Variants in SMC2 observed in about 807,000 individuals in gnomAD.
SMC2 encodes the protein structural maintenance of chromosomes protein 2.
Under a neutral mutation model 142.6 loss-of-function variants are expected in SMC2, and 41 were observed. The observed-to-expected ratio is 0.29, with a 90% CI of 0.22 to 0.37. The LOEUF (loss-of-function observed/expected upper bound fraction) is 0.37. Among genes scored for constraint, SMC2 ranks in the 10% least tolerant of loss-of-function variants. The pLI, the probability that SMC2 is intolerant of heterozygous loss-of-function variation, is 1.00. For synonymous variants in SMC2, 463 were observed against 457.5 expected, an observed-to-expected ratio of 1.01 and a Z score of -0.15; for missense variants, 1,265 against 1,373.7, an observed-to-expected ratio of 0.92 and a Z score of 1.25.
At chr9:104,094,503 G>T (rs571465245) in intron 1 of SMC2, 26 bp downstream of exon 1, 94 of 373,210 alleles carry the variant, frequency 2.5e-4, no homozygotes, top group African/African-American at 1.9e-3. Context: ...GAGCACGGCC[G>T]GTTGGGCCGG....
intron 16 of SMC2, 141 bp from the exon 17 acceptor site, chr9:104,122,967 A>T (rs374008654): frequency 7.2e-5 from 58 of 806,854 alleles, no homozygotes; most frequent in Non-Finnish European, 1.6e-5. Flanking sequence ...AAAGCCGTCA[A>T]AATTATTCCT....
rs1184734275 is a variant in SMC2, at chr9:104,098,361, A to G, written c.319-85A>G. The G allele has an allele frequency of 6.0e-6, 7 of 1,160,280 alleles. No individual in the cohort carries two copies. In the Admixed American group the frequency reaches 1.8e-4, roughly 30 times the overall value. The allele number at this position is 1,160,280 out of a possible 1,614,324, so 71.9% of individuals were successfully genotyped here. A position where few individuals can be genotyped will look rare whatever the true frequency, so the allele number is the denominator to read the frequency against. ...TGTTTACTGCTAGTCAGACAGAACA[A>G]ATAAACGTAAGCTAATATACTTAGT... On this transcript the variant is annotated intron_variant, in intron 3 of 24. Coordinates refer to ENST00000374793, the MANE Select transcript of SMC2 (RefSeq NM_006444.3).
chr9:104,119,041 T>G (rs938630408), intron 15 of SMC2, among the ~76,000 whole-genome samples: 2 of 152,114 alleles, frequency 1.3e-5, no homozygotes, highest in African/African-American at 4.8e-5. Context: ...AGCAGTCTGA[T>G]TTCATAGTTT....
chr9:104,095,809 C>T (rs1412430180), intron 2 of SMC2, among the ~76,000 whole-genome samples: 1 of 152,182 alleles, frequency 6.6e-6, no homozygotes, highest in Admixed American at 6.5e-5. Flanking sequence ...TATTTTCAAC[C>T]CTGTGTAATG....
In SMC2 at chr9:104,129,665, T is replaced by C; in HGVS notation, c.2811T>C (p.Asp937=). The change falls in exon 21 of 25, where the codon GAT becomes GAC. Residue 937 remains aspartate, a synonymous_variant. Coordinates refer to ENST00000374793, the MANE Select transcript of SMC2 (RefSeq NM_006444.3). ...GAAKVSKMLK[D]YDWINAERHL... ...GCTAGGTATCCAAAATGTTGAAAGA[T>C]TATGACTGGATTAATGCAGAGAGAC... 6.2e-7 allele frequency: 1 copy of C among 1,613,952 alleles called. No homozygotes were observed. Among genetic ancestry groups the C allele is most frequent in the East Asian group, 2.2e-5 (1 of 44,856 alleles).
chr9:104,102,769 TAATA>T (rs990889829), intron 9 of SMC2, among the ~76,000 whole-genome samples, 196 bp downstream of exon 9: 18 of 151,978 alleles, frequency 1.2e-4, no homozygotes, highest in Non-Finnish European at 2.4e-4. Context: ...GGGGAAATGA[TAATA>T]AAGAAAATAA....
In SMC2 at chr9:104,102,529, T is replaced by C; in HGVS notation, c.976T>C (p.Cys326Arg). 6.2e-7 allele frequency: 1 copy of C among 1,613,664 alleles called. No individual in the cohort carries two copies. Among genetic ancestry groups the C allele is most frequent in the Non-Finnish European group, 8.5e-7 (1 of 1,179,786 alleles). Residue 326 changes from cysteine to arginine, a missense_variant, in exon 9 of 25, where the codon TGT becomes CGT. By Grantham distance (180) the Cys-to-Arg change is radical. Transcript: ENST00000374793. Reference sequence around the variant, plus strand: ...TGATCTCAAGAAGAAAAATCTGGCATGTGAGGAAAGCAAACGCAAAGAGCT... The same window carrying C: ...TGATCTCAAGAAGAAAAATCTGGCACGTGAGGAAAGCAAACGCAAAGAGCT... ...AFDLKKKNLA[C>R]EESKRKELEK...
At chr9:104,127,048 G>A (rs543284489) in intron 19 of SMC2, among the ~76,000 whole-genome samples, 24 of 152,172 alleles carry the variant, frequency 1.6e-4, no homozygotes, top group African/African-American at 5.5e-4. Context: ...CAGCATGAGC[G>A]TGCAGCATGA....
At chr9:104,089,865 C>T (rs1170812519), upstream of SMC2, among the ~76,000 whole-genome samples, 5 of 152,242 alleles carry the variant, frequency 3.3e-5, no homozygotes. Context: ...CCAGGATATT[C>T]TCCATCTCCT....
At chr9:104,119,607 G>A (rs553904901) in intron 15 of SMC2, among the ~76,000 whole-genome samples, 3 of 152,344 alleles carry the variant, frequency 2.0e-5, no homozygotes, top group South Asian at 2.1e-4. Context: ...GTGTGAAGGA[G>A]TAGTCGTCTC....
At chr9:104,095,978 G>A (rs1292253710) in intron 2 of SMC2, among the ~76,000 whole-genome samples, 170 bp from the exon 3 acceptor site, 2 of 152,184 alleles carry the variant, frequency 1.3e-5, no homozygotes, top group African/African-American at 4.8e-5. Flanking sequence ...TCCATTGCAG[G>A]TTGTTGCCTA....
chr9:104,109,363 A>G lies in SMC2; in HGVS notation c.1021-2218A>G, dbSNP rs183097876. Among the ~76,000 whole-genome samples, 3 of 152,240 alleles carry G rather than the reference A, an allele frequency of 2.0e-5. No individual in the cohort carries two copies. In the East Asian group the frequency reaches 5.8e-4, roughly 29 times the overall value. ...ATATCTAGATCCAGTCTATCAACAA[A>G]TTCTGTTAACTTTAAAAGCGTATTC... is the stretch of plus-strand genomic sequence containing the variant. On this transcript the variant is annotated intron_variant, in intron 9 of 24. Coordinates refer to ENST00000374793, the MANE Select transcript of SMC2 (RefSeq NM_006444.3).
At chr9:104,129,875 G>T in intron 21 of SMC2, 30 bp downstream of exon 21, 6 of 1,545,148 alleles carry the variant, frequency 3.9e-6, no homozygotes, top group South Asian at 1.1e-5. Flanking sequence ...ATATCTGGCC[G>T]CATTAGAACA....
rs187852708 is a variant in SMC2 at position 104,139,539 on chromosome 9, A to G, written c.*224A>G. The G allele has an allele frequency of 5.3e-6, 2 of 374,136 alleles. No homozygotes were observed. The highest frequency in any genetic ancestry group is 9.5e-6 in the Non-Finnish European group (2 of 211,262). The allele number at this position is 374,136 out of a possible 1,614,324, so 23.2% of individuals were successfully genotyped here. ...TTGTGGTTGTGATTTTATGCATATCATCAAATGTTTTTTTCTTATGCGGGT... is the reference window on the plus strand; with the variant it reads ...TTGTGGTTGTGATTTTATGCATATCGTCAAATGTTTTTTTCTTATGCGGGT... On this transcript the variant is annotated 3_prime_UTR_variant, in exon 25 of 25. Coordinates refer to ENST00000374793, the MANE Select transcript of SMC2 (RefSeq NM_006444.3).
intron 10 of SMC2, 25 bp from the exon 11 acceptor site, chr9:104,113,291 G>A: frequency 6.3e-7 from 1 of 1,587,710 alleles, no homozygotes; most frequent in Non-Finnish European, 8.6e-7. Context: ...TACATCCTAT[G>A]GTCTGTTGCA....
chr9:104,128,347 G>T (rs1003893928), intron 20 of SMC2, among the ~76,000 whole-genome samples: 4 of 152,158 alleles, frequency 2.6e-5, no homozygotes, highest in Non-Finnish European at 5.9e-5. Context: ...ATAGTGGACT[G>T]ACTGAAATAC....
intron 18 of SMC2, among the ~76,000 whole-genome samples, chr9:104,126,223 G>C (rs867429495): frequency 6.6e-6 from 1 of 151,944 alleles, no homozygotes; most frequent in Non-Finnish European, 1.5e-5. Context: ...TCTGGTCCTC[G>C]GTGCCAAAAA....
upstream of SMC2, chr9:104,092,605 G>T (rs1472276107): frequency 6.6e-6 from 1 of 152,170 alleles, no homozygotes; most frequent in Non-Finnish European, 1.5e-5. Context: ...AAAGATATCT[G>T]TTGAATTAAA....
At chr9:104,125,876 T>C (rs1834212871) in intron 18 of SMC2, among the ~76,000 whole-genome samples, 1 of 151,386 alleles carries the variant, frequency 6.6e-6, no homozygotes, top group African/African-American at 2.4e-5. Context: ...TCCCTCGCAT[T>C]TTTTTTTAGC....
Sources: allele counts gnomAD v4.1 joint callset (sites outside exome capture counted in the v4.1 genomes callset), GRCh38; gene constraint gnomAD v4.1.1; transcripts MANE v1.5; gene names NCBI Gene and HGNC (gene_info 2026-07-23, HGNC 2026-07-21).